The following POLN variants were observed in gnomAD, a reference collection of about 807,000 sequenced individuals.
POLN encodes the protein DNA polymerase N.
A neutral mutation model predicts 113.5 loss-of-function variants in POLN; 108 were observed. The observed-to-expected ratio is 0.95, with a 90% CI of 0.81 to 1.12. POLN has a LOEUF of 1.12. Ranked by LOEUF, POLN falls within the 50% of genes most tolerant of loss-of-function variation. The probability of loss-of-function intolerance (pLI) is 0.00; values close to 1 mark genes in which losing one functional copy is unlikely to be tolerated. For missense variants in POLN, 1,097 were observed against 1,077.1 expected (o/e 1.02, Z -0.26); for synonymous variants, 386 against 391.5 (o/e 0.99, Z 0.17).
chr4:2,168,326 A>T (rs1408126152), intron 13 of POLN, among the ~76,000 whole-genome samples: 1 of 152,216 alleles, frequency 6.6e-6, no homozygotes, highest in Non-Finnish European at 1.5e-5. Flanking sequence ...AACGCTCACC[A>T]AGGCCTCCAG....
At chr4:2,113,272 A>G (rs904028361) in intron 19 of POLN, among the ~76,000 whole-genome samples, 6 of 149,792 alleles carry the variant, frequency 4.0e-5, no homozygotes, top group African/African-American at 1.5e-4. Flanking sequence ...GCATTAGGAG[A>G]TATACCTAAT....
At chr4:2,214,110 C>T (rs908579172) in intron 3 of POLN, among the ~76,000 whole-genome samples, 4 of 152,074 alleles carry the variant, frequency 2.6e-5, no homozygotes, top group Admixed American at 2.6e-4. Context: ...GTGGCAAGCA[C>T]CTGCAATCCC....
chr4:2,075,568 T>G (rs773429483), intron 23 of POLN, 49 bp from the exon 24 acceptor site: 1 of 1,592,090 alleles, frequency 6.3e-7, no homozygotes, highest in Admixed American at 1.7e-5. Flanking sequence ...CTGTGGGGCG[T>G]GGGCCACCAG....
chr4:2,121,058 C>T (rs1247356117), intron 19 of POLN, among the ~76,000 whole-genome samples: 11 of 151,772 alleles, frequency 7.2e-5, no homozygotes, highest in Non-Finnish European at 2.9e-5. Context: ...CTTTTTTTAT[C>T]TTGTGCAGTG....
At chr4:2,106,129 T>G (rs1731061222) in intron 19 of POLN, among the ~76,000 whole-genome samples, 1 of 152,096 alleles carries the variant, frequency 6.6e-6, no homozygotes, top group Non-Finnish European at 1.5e-5. Flanking sequence ...GAGTCTGTCT[T>G]TAAAATGCAA....
At chr4:2,080,551 C>A (rs1017072593) in intron 23 of POLN, 2 of 1,160,176 alleles carry the variant, frequency 1.7e-6, no homozygotes, top group African/African-American at 3.3e-5. Flanking sequence ...CAGAGCTGGG[C>A]GTGGGGCACA....
intron 19 of POLN, among the ~76,000 whole-genome samples, chr4:2,096,769 C>T (rs1225690734): frequency 6.6e-6 from 1 of 151,744 alleles, no homozygotes; most frequent in African/African-American, 2.4e-5. Context: ...AGAAACTTCT[C>T]CCAATCTGTT....
chr4:2,233,204 C>T (rs1734645430), intron 2 of POLN, among the ~76,000 whole-genome samples: 1 of 152,102 alleles, frequency 6.6e-6, no homozygotes, highest in Non-Finnish European at 1.5e-5. Context: ...ACTTGGTAAA[C>T]TTGAATATAC....
chr4:2,193,715 A>G (rs1438332159), intron 6 of POLN, among the ~76,000 whole-genome samples: 2 of 152,074 alleles, frequency 1.3e-5, no homozygotes, highest in Non-Finnish European at 2.9e-5. Flanking sequence ...CCTTTCCTCC[A>G]CCACAGGCTG....
chr4:2,239,179 C>A, intron 2 of POLN: 1 of 514,428 alleles, frequency 1.9e-6, no homozygotes, highest in Non-Finnish European at 3.3e-6. Flanking sequence ...TTCATATAAA[C>A]AAAAATTACA....
chr4:2,170,857 C>A, intron 12 of POLN, 83 bp from the exon 13 acceptor site: 1 of 1,266,106 alleles, frequency 7.9e-7, no homozygotes, highest in South Asian at 1.2e-5. Flanking sequence ...CCCATGCCAA[C>A]AGCCAGAGAA....
intron 23 of POLN, chr4:2,079,313 C>G (rs954935597): frequency 1.5e-6 from 1 of 663,354 alleles, no homozygotes; most frequent in Admixed American, 6.3e-5. Flanking sequence ...CGGAAACTAG[C>G]ACAAGCTGCT....
At chr4:2,129,804 G>A (rs762304737) in intron 17 of POLN, among the ~76,000 whole-genome samples, 6 of 152,042 alleles carry the variant, frequency 3.9e-5, no homozygotes, top group African/African-American at 7.2e-5. Flanking sequence ...AAAGTCAAAC[G>A]TTGACAACCA....
intron 24 of POLN, 102 bp downstream of exon 24, chr4:2,075,350 G>T: frequency 7.8e-7 from 1 of 1,275,944 alleles, no homozygotes. Context: ...GGCCATAAAA[G>T]GGAAGACAGC....
intron 23 of POLN, 135 bp from the exon 24 acceptor site, chr4:2,075,654 G>A (rs1212527344): frequency 1.2e-6 from 1 of 869,458 alleles, no homozygotes. Context: ...TGCAGAGGTG[G>A]GGGCCCATCC....
intron 3 of POLN, among the ~76,000 whole-genome samples, chr4:2,214,597 C>G (rs567370209): frequency 6.6e-6 from 1 of 152,002 alleles, no homozygotes; most frequent in East Asian, 1.9e-4. Flanking sequence ...CTCAGGGAAA[C>G]GCAAATTAAC....
chr4:2,221,294 C>T (rs1209664630), intron 3 of POLN, among the ~76,000 whole-genome samples: 1 of 152,038 alleles, frequency 6.6e-6, no homozygotes, highest in African/African-American at 2.4e-5. Context: ...GCCATCATGC[C>T]CCACTAATTT....
chr4:2,146,169 T>C (rs1027463922), intron 16 of POLN, among the ~76,000 whole-genome samples: 3 of 152,118 alleles, frequency 2.0e-5, no homozygotes, highest in African/African-American at 4.8e-5. Context: ...GGGAGCTGAA[T>C]TGGGAAGAAC....
At chr4:2,138,395 G>A (rs962766509) in intron 16 of POLN, among the ~76,000 whole-genome samples, 4 of 152,164 alleles carry the variant, frequency 2.6e-5, no homozygotes, top group East Asian at 1.9e-4. Flanking sequence ...TGACTCTCCC[G>A]GCTGGAGGGA....
Sources: allele counts gnomAD v4.1 joint callset (sites outside exome capture counted in the v4.1 genomes callset), GRCh38; gene constraint gnomAD v4.1.1; transcripts MANE v1.5; gene names NCBI Gene and HGNC (gene_info 2026-07-23, HGNC 2026-07-21).